NELL1: variants seen among roughly 807,000 people sequenced by gnomAD.
NELL1 encodes protein kinase C-binding protein NELL1.
NELL1 carries 76 observed loss-of-function variants against 107.4 expected under a neutral mutation model. That is an observed-to-expected ratio of 0.71 (90% CI 0.59 to 0.86). The LOEUF is 0.86. Ranked by LOEUF, NELL1 falls within the 40% of genes least tolerant of loss-of-function variation. The probability of loss-of-function intolerance (pLI) is 0.00; values close to 1 mark genes in which losing one functional copy is unlikely to be tolerated. For missense variants in NELL1, 1,024 were observed against 1,005.5 expected (o/e 1.02, Z -0.25); for synonymous variants, 353 against 341.2 (o/e 1.03, Z -0.38).
intron 12 of NELL1, among the ~76,000 whole-genome samples, chr11:21,019,300 TG>T (rs1852643450): frequency 6.6e-6 from 1 of 152,084 alleles, no homozygotes; most frequent in Admixed American, 6.6e-5. Flanking sequence ...ATAGGAACAT[TG>T]GATCCCAAGC....
chr11:21,235,749 A>C (rs1858190383), intron 14 of NELL1, among the ~76,000 whole-genome samples: 1 of 152,320 alleles, frequency 6.6e-6, no homozygotes, highest in South Asian at 2.1e-4. Flanking sequence ...TAACACAGGG[A>C]TACAAATTTT....
chr11:21,452,641 G>A (rs2133860163), intron 15 of NELL1, among the ~76,000 whole-genome samples: 1 of 151,866 alleles, frequency 6.6e-6, no homozygotes, highest in African/African-American at 2.4e-5. Flanking sequence ...TTGTCTATTG[G>A]TTATTCATTT....
intron 13 of NELL1, among the ~76,000 whole-genome samples, chr11:21,225,492 G>C (rs1296345034): frequency 1.3e-5 from 2 of 152,096 alleles, no homozygotes; most frequent in East Asian, 1.9e-4. Context: ...TTTTCTCTCT[G>C]TAATGCCTTT....
intron 12 of NELL1, among the ~76,000 whole-genome samples, chr11:20,964,079 T>C (rs1263863428): frequency 6.6e-6 from 1 of 152,224 alleles, no homozygotes; most frequent in East Asian, 1.9e-4. Flanking sequence ...CTGTTTCATT[T>C]TGCCTTTTCT....
chr11:20,836,701 G>T (rs920625440), intron 3 of NELL1, among the ~76,000 whole-genome samples: 1 of 151,686 alleles, frequency 6.6e-6, no homozygotes, highest in Non-Finnish European at 1.5e-5. Flanking sequence ...TGAAAAGGCT[G>T]AATACTGTAT....
chr11:20,688,650 G>C (rs1467234098), intron 2 of NELL1, among the ~76,000 whole-genome samples: 1 of 152,100 alleles, frequency 6.6e-6, no homozygotes, highest in Non-Finnish European at 1.5e-5. Flanking sequence ...TGGCCACCTA[G>C]ATTGATTGCA....
chr11:20,889,324 A>C (rs1354866443), intron 5 of NELL1, among the ~76,000 whole-genome samples: 5 of 152,278 alleles, frequency 3.3e-5, no homozygotes, highest in Non-Finnish European at 5.9e-5. Flanking sequence ...GTCAAAAGAC[A>C]GTAGAAAAAG....
intron 5 of NELL1, among the ~76,000 whole-genome samples, chr11:20,892,928 C>G (rs932765263): frequency 3.0e-5 from 3 of 98,402 alleles, no homozygotes; most frequent in Non-Finnish European, 6.5e-5. Context: ...GACTGTGTCT[C>G]AAAAAAAAAA....
At position 21,355,399 on chromosome 11, in the gene NELL1, C is replaced by T. The variant is rs140265791; in HGVS notation, c.1550-15454C>T. On this transcript the variant is annotated intron_variant, in intron 14 of 19. Coordinates refer to ENST00000357134, the MANE Select transcript of NELL1 (RefSeq NM_006157.5). ...CTATGGGTGGGCACTATGCCAAGTGCTTTACATGCACTACCTCATTTAATT... is the reference window on the plus strand; with the variant it reads ...CTATGGGTGGGCACTATGCCAAGTGTTTTACATGCACTACCTCATTTAATT... 9.8e-4 allele frequency among the ~76,000 whole-genome samples: 149 copies of T among 152,308 alleles called. 2 individuals are homozygous for T. Among genetic ancestry groups the T allele is most frequent in the Non-Finnish European group, 1.2e-3 (83 of 68,036 alleles).
chr11:21,413,938 A>G (rs1852440104), intron 15 of NELL1, among the ~76,000 whole-genome samples: 1 of 152,090 alleles, frequency 6.6e-6, no homozygotes, highest in Non-Finnish European at 1.5e-5. Context: ...TATAGAGGAA[A>G]TAATAGAATG....
At chr11:21,204,904 C>T (rs1857355243) in intron 13 of NELL1, among the ~76,000 whole-genome samples, 1 of 152,172 alleles carries the variant, frequency 6.6e-6, no homozygotes, top group South Asian at 2.1e-4. Context: ...TGGAGGTCCA[C>T]TCCAGACCCT....
intron 14 of NELL1, among the ~76,000 whole-genome samples, chr11:21,299,509 A>ATG (rs1443374912): frequency 9.4e-6 from 1 of 106,568 alleles, no homozygotes; most frequent in Non-Finnish European, 1.9e-5. Flanking sequence ...TTATTGTCTT[A>ATG]TATGTGTGTG....
intron 15 of NELL1, among the ~76,000 whole-genome samples, chr11:21,442,048 T>G (rs1428262158): frequency 1.3e-5 from 2 of 152,258 alleles, no homozygotes; most frequent in African/African-American, 4.8e-5. Context: ...TTCTTTACTC[T>G]GATCCTAAGT....
chr11:20,809,425 T>A (rs754700153), intron 3 of NELL1, among the ~76,000 whole-genome samples: 1 of 152,222 alleles, frequency 6.6e-6, no homozygotes, highest in Non-Finnish European at 1.5e-5. Flanking sequence ...AATACATTAT[T>A]GTTAAGTTTA....
At chr11:20,739,413 T>G (rs200739694) in intron 2 of NELL1, among the ~76,000 whole-genome samples, 1 of 5,572 alleles carries the variant, frequency 1.8e-4, no homozygotes, top group East Asian at 0.013. Context: ...ATGCTCAACA[T>G]TAAATGAATA....
At chr11:20,802,270 A>C (rs964657708) in intron 3 of NELL1, among the ~76,000 whole-genome samples, 1 of 151,852 alleles carries the variant, frequency 6.6e-6, no homozygotes, top group Non-Finnish European at 1.5e-5. Context: ...TCTTTTATCA[A>C]TGTTTTCAAG....
chr11:20,674,350 C>A, intron 1 of NELL1: 1 of 647,396 alleles, frequency 1.5e-6, no homozygotes, highest in Non-Finnish European at 2.7e-6. Flanking sequence ...GATGAAACAA[C>A]CCCCAGCTGG....
At chr11:20,703,257 G>A (rs145630792) in intron 2 of NELL1, among the ~76,000 whole-genome samples, 30,997 of 151,986 alleles carry the variant, frequency 0.2, 3,413 homozygotes, top group African/African-American at 0.25. Context: ...GAATTTATCC[G>A]TTTCTTCTAG....
chr11:21,216,470 C>T (rs1443993522), intron 13 of NELL1, among the ~76,000 whole-genome samples: 1 of 152,164 alleles, frequency 6.6e-6, no homozygotes, highest in Admixed American at 6.5e-5. Flanking sequence ...GTTGCAGACA[C>T]CCAAAACCAG....
Sources: gnomAD v4.1 joint callset for allele counts (sites outside exome capture counted in the v4.1 genomes callset) on GRCh38, gnomAD v4.1.1 for gene constraint, MANE v1.5 for transcripts, NCBI Gene and HGNC (gene_info 2026-07-23, HGNC 2026-07-21) for gene names.